The following NR2E1 variants were observed in gnomAD, a reference collection of about 807,000 sequenced individuals.
The protein encoded by NR2E1 is nuclear receptor TLX.
NR2E1 carries 5 observed loss-of-function variants against 43.6 expected under a neutral mutation model. That is an observed-to-expected ratio of 0.11 (90% CI 0.06 to 0.24). The LOEUF (loss-of-function observed/expected upper bound fraction) is 0.24. Ranked by LOEUF, NR2E1 falls within the 10% of genes least tolerant of loss-of-function variation. The probability of loss-of-function intolerance (pLI) is 1.00; values close to 1 mark genes in which losing one functional copy is unlikely to be tolerated. For synonymous variants in NR2E1, 191 were observed against 195.5 expected, an observed-to-expected ratio of 0.98 and a Z score of 0.19; for missense variants, 287 against 496.7, an observed-to-expected ratio of 0.58 and a Z score of 4.01.
chr6:108,176,716 G>A lies in NR2E1; in HGVS notation c.473G>A (p.Ser158Asn), dbSNP rs567303964. ...ACTCCAGAGCGGCAGACCCTCGTGA[G>A]CCTGGCTCAGCCCACGCCCAAGGTC... is the stretch of plus-strand genomic sequence containing the variant. ...STTPERQTLV[S>N]LAQPTPKYPH... is the part of the protein sequence containing the mutation. Residue 158 changes from serine (S) to asparagine (N), a missense_variant, in exon 4 of 9, where the codon AGC (serine) becomes AAC (asparagine). Physicochemically the swap from Ser to Asn is conservative, Grantham distance 46. Coordinates refer to ENST00000368986, the MANE Select transcript of NR2E1 (RefSeq NM_003269.5). 7.2e-5 allele frequency: 114 copies of A among 1,578,200 alleles called. 2 individuals are homozygous for A. In the Middle Eastern group the frequency reaches 1.2e-3, roughly 16 times the overall value.
At chr6:108,167,913 C>T in intron 1 of NR2E1, 1 of 1,144,780 alleles carries the variant, frequency 8.7e-7, no homozygotes, top group South Asian at 1.6e-5. Context: ...GGATGCAATT[C>T]CCGCCCTCCT....
chr6:108,167,980 T>G, intron 1 of NR2E1: 2 of 1,551,874 alleles, frequency 1.3e-6, no homozygotes, highest in Non-Finnish European at 1.7e-6. Flanking sequence ...GGTGCTGACC[T>G]TTAAAAAATT....
At chr6:108,185,170 T>A (rs1774053454) in intron 8 of NR2E1, among the ~76,000 whole-genome samples, 1 of 152,222 alleles carries the variant, frequency 6.6e-6, no homozygotes, top group African/African-American at 2.4e-5. Flanking sequence ...CTCTAAGCTA[T>A]TTCTCTAATT....
intron 1 of NR2E1, among the ~76,000 whole-genome samples, chr6:108,170,266 G>A (rs1163230230): frequency 1.3e-5 from 2 of 152,216 alleles, no homozygotes; most frequent in Non-Finnish European, 2.9e-5. Context: ...ATAGGTAGAA[G>A]AAGAGAAAAG....
In NR2E1 at chr6:108,171,525, C is replaced by T; in HGVS notation, c.93C>T (p.Tyr31=). ...GCTCGGGGAAGCACTACGGGGTCTACGCCTGCGACGGCTGCTCAGGTTTTT... is the reference window on the plus strand; with the variant it reads ...GCTCGGGGAAGCACTACGGGGTCTATGCCTGCGACGGCTGCTCAGGTTTTT... ...DRSSGKHYGV[Y]ACDGCSGFFK... Residue 31 remains tyrosine, a synonymous_variant, in exon 2 of 9, where the codon TAC becomes TAT. Transcript: ENST00000368986. 11 of 1,614,048 alleles carry T rather than the reference C, an allele frequency of 6.8e-6. No homozygotes were observed. Among genetic ancestry groups the T allele is most frequent in the Non-Finnish European group, 9.3e-6 (11 of 1,180,020 alleles).
rs1016624114 is a variant in NR2E1 at position 108,169,866 on chromosome 6, T to C, written c.26-1592T>C. Among the ~76,000 whole-genome samples the C allele has an allele frequency of 5.9e-5, 9 of 152,072 alleles. No homozygotes were observed. Among genetic ancestry groups the C allele is most frequent in the Non-Finnish European group, 1.3e-4 (9 of 67,998 alleles). On this transcript the variant is annotated intron_variant, in intron 1 of 8. Coordinates refer to ENST00000368986, the MANE Select transcript of NR2E1 (RefSeq NM_003269.5). This position sits in a 1 kb window ranked among gnomAD's most constrained non-coding sequence, Gnocchi z 6.1. The stretch of plus-strand genomic sequence containing the variant: ...CCGTCCGAATTCCCATGCTACTCTT[T>C]TTGACGGGTCACTGGTGGCTCTATA...
chr6:108,167,017 G>A (rs1773720681), intron 1 of NR2E1, among the ~76,000 whole-genome samples: 1 of 152,070 alleles, frequency 6.6e-6, no homozygotes, highest in Non-Finnish European at 1.5e-5. Flanking sequence ...CCTGTCTGGT[G>A]CGGTGAGAAG....
intron 4 of NR2E1, 130 bp from the exon 5 acceptor site, chr6:108,177,965 C>A (rs1773926255): frequency 2.1e-6 from 2 of 954,252 alleles, no homozygotes; most frequent in Admixed American, 1.9e-5. Flanking sequence ...ATGTCAACTG[C>A]ATGTTTAAAC....
chr6:108,176,471 G>A (rs778239122), intron 3 of NR2E1, 32 bp from the exon 4 acceptor site: 6 of 1,603,068 alleles, frequency 3.7e-6, no homozygotes, highest in East Asian at 4.5e-5. Context: ...GTCTCTAATC[G>A]CCGGCATGCG....
intron 7 of NR2E1, 89 bp from the exon 8 acceptor site, chr6:108,181,457 G>T: frequency 9.1e-7 from 1 of 1,097,502 alleles, no homozygotes; most frequent in Non-Finnish European, 1.4e-6. Flanking sequence ...GCCTCCCAAA[G>T]TGCTGGGATT....
chr6:108,170,036 C>A (rs1308643447), intron 1 of NR2E1, among the ~76,000 whole-genome samples: 1 of 151,318 alleles, frequency 6.6e-6, no homozygotes, highest in Non-Finnish European at 1.5e-5. Context: ...TGCAAGCTCG[C>A]CCGGACGCCT....
rs1440639409 is a variant in NR2E1, at chr6:108,180,275, A to C, written c.643-48A>C. On this transcript the variant is annotated intron_variant, in intron 5 of 8. Coordinates refer to ENST00000368986, the MANE Select transcript of NR2E1 (RefSeq NM_003269.5). This position sits in a 1 kb window ranked among gnomAD's most constrained non-coding sequence, Gnocchi z 5.4. The stretch of plus-strand genomic sequence containing the variant: ...ATTTACATAGTGAAATTGTTTATAA[A>C]TTTATAAATTACACACTATATTATA... 8.5e-7 allele frequency: 1 copy of C among 1,179,930 alleles called. No homozygotes were observed. Among genetic ancestry groups the C allele is most frequent in the Non-Finnish European group, 1.3e-6 (1 of 798,608 alleles). 73.1% of individuals were successfully genotyped at this position (1,179,930 alleles called of 1,614,324 possible). A position where few individuals can be genotyped will look rare whatever the true frequency, so the allele number is the denominator to read the frequency against.
Position 108,171,455 on chromosome 6 carries a change from C to T in NR2E1, c.26-3C>T. Reference sequence around the variant, plus strand: ...CCCTTCCCCGTCTTTCCTGCGATTTCAGGCCGCATTTTAGATATCCCCTGC... The same window carrying T: ...CCCTTCCCCGTCTTTCCTGCGATTTTAGGCCGCATTTTAGATATCCCCTGC... On this transcript the variant is annotated splice_polypyrimidine_tract_variant and splice_region_variant and intron_variant, in intron 1 of 8. Coordinates refer to ENST00000368986, the MANE Select transcript of NR2E1 (RefSeq NM_003269.5). 1 of 1,613,892 alleles carries T rather than the reference C, an allele frequency of 6.2e-7. No individual in the cohort carries two copies. The highest frequency in any genetic ancestry group is 1.1e-5 in the South Asian group (1 of 91,078).
At chr6:108,176,352 C>T (rs1320416219) in intron 3 of NR2E1, 151 bp from the exon 4 acceptor site, 3 of 665,282 alleles carry the variant, frequency 4.5e-6, no homozygotes, top group African/African-American at 1.8e-5. Flanking sequence ...ATCCCTTCCT[C>T]CCTCAGATTC....
intron 5 of NR2E1, among the ~76,000 whole-genome samples, chr6:108,179,492 C>CTGTGTGTGTGTGTG (rs34907033): frequency 2.7e-4 from 35 of 131,428 alleles, no homozygotes; most frequent in East Asian, 6.8e-4. Flanking sequence ...TAACCACTTC[C>CTGTGTGTGTGTGTG]TGTGTGTGTG....
At position 108,166,690 on chromosome 6, in the gene NR2E1, G is replaced by A. The variant is rs1773713017; in HGVS notation, c.-76G>A. On this transcript the variant is annotated 5_prime_UTR_variant, in exon 1 of 9. Transcript: ENST00000368986. The surrounding 1 kb of genome is among the most constrained non-coding windows in gnomAD (Gnocchi z 7.2). The stretch of plus-strand genomic sequence containing the variant: ...TGGAGGGCAGCTGGAGAGCGGCGGC[G>A]CCCGGCGGCGAGGCGGGCGCTGCCG... 21 of 1,309,852 alleles carry A rather than the reference G, an allele frequency of 1.6e-5. No homozygotes were observed. The South Asian group carries it at 1.8e-4, about 11-fold the overall frequency. 81.1% of individuals were successfully genotyped at this position (1,309,852 alleles called of 1,614,324 possible). A position where few individuals can be genotyped will look rare whatever the true frequency, so the allele number is the denominator to read the frequency against.
chr6:108,178,131 T>C lies in NR2E1; in HGVS notation c.532T>C (p.Tyr178His), dbSNP rs1773930110. ...AGTGAATGGGACCCCAATGTATCTCTATGAAGTGGCCACGGAGTCGGTGTG... is the reference window on the plus strand; with the variant it reads ...AGTGAATGGGACCCCAATGTATCTCCATGAAGTGGCCACGGAGTCGGTGTG... ...HEVNGTPMYL[Y>H]EVATESVCES... is the part of the protein sequence containing the mutation. Residue 178 changes from tyrosine to histidine, a missense_variant, in exon 5 of 9, where the codon TAT (tyrosine) becomes CAT (histidine). Around this residue, in one of 4 missense-constraint regions of NR2E1, gnomAD observed 119 missense variants for 155.7 expected, o/e 0.76. Transcript: ENST00000368986. 2 of 1,614,224 alleles carry C rather than the reference T, an allele frequency of 1.2e-6. No individual in the cohort carries two copies.
intron 3 of NR2E1, 150 bp from the exon 4 acceptor site, chr6:108,176,353 C>T (rs1451504922): frequency 4.5e-6 from 3 of 669,274 alleles, no homozygotes; most frequent in African/African-American, 3.6e-5. Flanking sequence ...TCCCTTCCTC[C>T]CTCAGATTCC....
rs1421801360 is a variant in NR2E1 at position 108,180,013 on chromosome 6, C to G, written c.643-310C>G. On this transcript the variant is annotated intron_variant, in intron 5 of 8. Transcript: ENST00000368986. This position sits in a 1 kb window ranked among gnomAD's most constrained non-coding sequence, Gnocchi z 5.4. ...GCTGAGCTGCTGGCATTTCATAAAG[C>G]CTCGCTCTCTAGAGGAGCTTCTAGG... Among the ~76,000 whole-genome samples, 1 of 152,000 alleles carries G rather than the reference C, an allele frequency of 6.6e-6. No individual in the cohort carries two copies. Among genetic ancestry groups the G allele is most frequent in the East Asian group, 1.9e-4 (1 of 5,176 alleles).
Sources: gnomAD v4.1 joint callset for allele counts (sites outside exome capture counted in the v4.1 genomes callset) on GRCh38, gnomAD v4.1.1 for gene constraint, gnomAD v4.1.1 regional missense constraint, Gnocchi (gnomAD v3.1) non-coding constraint, MANE v1.5 for transcripts, NCBI Gene and HGNC (gene_info 2026-07-23, HGNC 2026-07-21) for gene names.